Variants in ASIP observed in about 807,000 individuals in gnomAD.
ASIP encodes the protein agouti-signaling protein.
A neutral mutation model predicts 10.3 loss-of-function variants in ASIP; 11 were observed. The ratio of observed to expected loss-of-function variants is 1.07; its 90% CI spans 0.68 to 1.78. The LOEUF (loss-of-function observed/expected upper bound fraction) is 1.78, where lower values mean the gene tolerates loss of function less well. Among genes scored for constraint, ASIP ranks in the 40% most tolerant of loss-of-function variants. The probability of loss-of-function intolerance (pLI) is 0.00; values close to 1 mark genes in which losing one functional copy is unlikely to be tolerated. For synonymous variants in ASIP, 70 were observed against 70.8 expected (o/e 0.99, Z 0.06); for missense variants, 180 against 169.2 (o/e 1.06, Z -0.35).
intron 1 of ASIP, among the ~76,000 whole-genome samples, chr20:34,219,347 A>G (rs76018260): frequency 4.3e-4 from 66 of 152,312 alleles, no homozygotes; most frequent in South Asian, 1.0e-3. Context: ...ACATTCAATC[A>G]TCATAATGAT....
chr20:34,244,038 C>A (rs1363222395), intron 1 of ASIP, among the ~76,000 whole-genome samples: 1 of 152,148 alleles, frequency 6.6e-6, no homozygotes, highest in African/African-American at 2.4e-5. Context: ...GCACTCCAGC[C>A]TGGGCGACAG....
At chr20:34,224,154 C>CAGATAAA (rs1187946924) in intron 1 of ASIP, among the ~76,000 whole-genome samples, 137 of 148,286 alleles carry the variant, frequency 9.2e-4, no homozygotes, top group African/African-American at 2.9e-3. Flanking sequence ...GACCTTCCCT[C>CAGATAAA]CACTGTTGTC....
upstream of ASIP, among the ~76,000 whole-genome samples, chr20:34,237,977 C>G (rs2035232910): frequency 6.6e-6 from 1 of 152,136 alleles, no homozygotes; most frequent in Non-Finnish European, 1.5e-5. Context: ...CCCACAGCCT[C>G]TGGCCTCCAA....
chr20:34,265,210 T>A (rs1477416562), intron 3 of ASIP, among the ~76,000 whole-genome samples: 1 of 152,156 alleles, frequency 6.6e-6, no homozygotes, highest in Non-Finnish European at 1.5e-5. Flanking sequence ...TATTAGTAGT[T>A]AAGTTTTTGA....
intron 1 of ASIP, among the ~76,000 whole-genome samples, chr20:34,198,420 A>G (rs767767303): frequency 1.3e-5 from 2 of 150,820 alleles, no homozygotes; most frequent in African/African-American, 2.4e-5. Flanking sequence ...CTCATCTTCC[A>G]TTTTCCTGGG....
chr20:34,268,928 C>CAG (rs1262660908), intron 3 of ASIP, 63 bp from the exon 4 acceptor site: 4 of 1,544,938 alleles, frequency 2.6e-6, no homozygotes, highest in Non-Finnish European at 3.5e-6. Context: ...AGCTCCCAGG[C>CAG]AGAGGTGAGG....
chr20:34,213,528 G>C (rs539212721), intron 1 of ASIP: 6 of 1,506,706 alleles, frequency 4.0e-6, no homozygotes, highest in African/African-American at 2.8e-5. Context: ...TTTCTTCTGC[G>C]GGCCAGAGTA....
At chr20:34,188,341 G>A in the ASIP span, among the ~76,000 whole-genome samples, 1 of 152,202 alleles carries the variant, frequency 6.6e-6, no homozygotes, top group Admixed American at 6.5e-5. Context: ...TGGTATGTGA[G>A]ATGGTTTAAG....
intron 1 of ASIP, among the ~76,000 whole-genome samples, chr20:34,211,787 AAG>A (rs2034976605): frequency 6.6e-6 from 1 of 152,190 alleles, no homozygotes; most frequent in Admixed American, 6.5e-5. Context: ...GATCTTTTGC[AAG>A]TAAACTGACT....
intron 1 of ASIP, chr20:34,213,631 A>C: frequency 6.4e-7 from 1 of 1,564,974 alleles, no homozygotes; most frequent in Non-Finnish European, 8.8e-7. Flanking sequence ...CTGGTTGATA[A>C]GAGGAATGAA....
At chr20:34,225,815 T>C (rs924822668) in intron 1 of ASIP, among the ~76,000 whole-genome samples, 3 of 152,192 alleles carry the variant, frequency 2.0e-5, no homozygotes, top group Non-Finnish European at 4.4e-5. Flanking sequence ...TTTTTGTTCA[T>C]TTTTAATGGG....
chr20:34,266,880 G>A (rs1183745219), intron 3 of ASIP, among the ~76,000 whole-genome samples: 1 of 152,122 alleles, frequency 6.6e-6, no homozygotes, highest in Non-Finnish European at 1.5e-5. Flanking sequence ...GGGAAATACT[G>A]GACTGAGGCA....
intron 1 of ASIP, among the ~76,000 whole-genome samples, chr20:34,243,775 A>AAAC (rs1555824673): frequency 6.6e-6 from 1 of 151,742 alleles, no homozygotes; most frequent in African/African-American, 2.4e-5. Flanking sequence ...AAAAAAAAAA[A>AAAC]ACTGTCTCGC....
At chr20:34,259,639 G>A (rs6058015) in intron 1 of ASIP, among the ~76,000 whole-genome samples, 42,878 of 151,768 alleles carry the variant, frequency 0.28, 10,807 homozygotes, top group African/African-American at 0.68. Flanking sequence ...CTAGCTACTG[G>A]GGCAGGAGAC....
rs181105100 is a variant in ASIP, at chr20:34,262,855, A to G, written c.184A>G (p.Ile62Val). Residue 62 changes from isoleucine to valine, a missense_variant, in exon 3 of 4, where the codon ATC (isoleucine) becomes GTC (valine). By Grantham distance (29) the Ile-to-Val change is conservative (BLOSUM62 3). Transcript: ENST00000374954. ...AGCGCTGAACAAGAAATCCAAACAG[A>G]TCGGCAGAAAAGCAGCAGAAAAGAA... is the stretch of plus-strand genomic sequence containing the variant. The part of the protein sequence containing the change: ...IVALNKKSKQ[I>V]GRKAAEKKRS... The G allele has an allele frequency of 6.2e-7, 1 of 1,614,060 alleles. No individual in the cohort carries two copies. The highest frequency in any genetic ancestry group is 8.5e-7 in the Non-Finnish European group (1 of 1,179,962).
chr20:34,235,846 A>G lies in ASIP; in HGVS notation c.-10-24519A>G, dbSNP rs1356486270. On this transcript the variant is annotated intron_variant, in intron 1 of 3. Transcript: ENST00000568305. Reference sequence around the variant, plus strand: ...GAAAGAAAGAAAGAAAGAAAGAAGGAAGGAAGGAAGGAAGGAAGGAAAGGA... The same window carrying G: ...GAAAGAAAGAAAGAAAGAAAGAAGGGAGGAAGGAAGGAAGGAAGGAAAGGA... 1.3e-4 allele frequency among the ~76,000 whole-genome samples: 6 copies of G among 45,542 alleles called. No homozygotes were observed. In the East Asian group the frequency reaches 4.1e-3, roughly 31 times the overall value. 29.9% of individuals were successfully genotyped at this position (45,542 alleles called of 152,430 possible). A position where few individuals can be genotyped will look rare whatever the true frequency, so the allele number is the denominator to read the frequency against.
intron 1 of ASIP, among the ~76,000 whole-genome samples, chr20:34,218,513 G>T (rs6142126): frequency 6.6e-6 from 1 of 152,146 alleles, no homozygotes; most frequent in Non-Finnish European, 1.5e-5. Context: ...GCAGCATGCA[G>T]GTCTTATAGC....
intron 1 of ASIP, among the ~76,000 whole-genome samples, chr20:34,226,633 A>C (rs1225755169): frequency 6.6e-6 from 1 of 152,160 alleles, no homozygotes; most frequent in East Asian, 1.9e-4. Flanking sequence ...GGATTATAGG[A>C]ATGAGCCACT....
At chr20:34,187,002 C>T in the ASIP span, among the ~76,000 whole-genome samples, 3 of 152,108 alleles carry the variant, frequency 2.0e-5, no homozygotes, top group South Asian at 2.1e-4. Flanking sequence ...TTACTAGAGA[C>T]GGGGTTTCAC....
Sources: allele counts gnomAD v4.1 joint callset (sites outside exome capture counted in the v4.1 genomes callset), GRCh38; gene constraint gnomAD v4.1.1; transcripts MANE v1.5; gene names NCBI Gene and HGNC (gene_info 2026-07-23, HGNC 2026-07-21).